COL1A2: variants seen among roughly 807,000 people sequenced by gnomAD.
COL1A2 encodes collagen type I alpha 2 chain, also known as collagen alpha-2(I) chain.
COL1A2 carries 49 observed loss-of-function variants against 174.3 expected under a neutral mutation model. That is an observed-to-expected ratio of 0.28 (90% CI 0.22 to 0.36). COL1A2 has a LOEUF of 0.36. COL1A2 is among the 10% of genes least tolerant of loss of function. The pLI is 1.00. For synonymous variants in COL1A2, 655 were observed against 606.6 expected (o/e 1.08, Z -1.17); for missense variants, 1,438 against 1,822.7 (o/e 0.79, Z 3.84).
intron 4 of COL1A2, chr7:94,399,974 G>A (rs535429020): frequency 9.5e-5 from 63 of 665,244 alleles, no homozygotes; most frequent in African/African-American, 1.2e-4. Flanking sequence ...TTCAATGGCC[G>A]AGATAGTTCT....
chr7:94,418,691 T>G, intron 33 of COL1A2, 139 bp downstream of exon 33: 1 of 685,488 alleles, frequency 1.5e-6, no homozygotes, highest in Non-Finnish European at 2.5e-6. Flanking sequence ...CTCCTGGGTC[T>G]ATGACTAATA....
chr7:94,415,147 A>C (rs1288041383), intron 29 of COL1A2, 79 bp from the exon 30 acceptor site: 2 of 1,385,822 alleles, frequency 1.4e-6, no homozygotes, highest in African/African-American at 2.8e-5. Flanking sequence ...ACTCTTTCCA[A>C]ATTTTTCAAA....
At chr7:94,425,383 A>C in intron 42 of COL1A2, 159 bp downstream of exon 42, 1 of 842,144 alleles carries the variant, frequency 1.2e-6, no homozygotes, top group South Asian at 1.6e-5. Flanking sequence ...AAAATTGCTT[A>C]GGCCAAAGAA....
intron 12 of COL1A2, 107 bp from the exon 13 acceptor site, chr7:94,407,740 A>G: frequency 2.2e-6 from 2 of 903,792 alleles, no homozygotes; most frequent in Non-Finnish European, 3.5e-6. Context: ...AAGAAATATT[A>G]TGAAGTATAT....
chr7:94,405,951 A>T (rs532482349), intron 11 of COL1A2, among the ~76,000 whole-genome samples: 2 of 152,230 alleles, frequency 1.3e-5, no homozygotes, highest in Non-Finnish European at 1.5e-5. Context: ...AGAAAATTAT[A>T]TAGAACATGT....
chr7:94,428,902 C>T (rs909460975), intron 50 of COL1A2, among the ~76,000 whole-genome samples: 1 of 152,144 alleles, frequency 6.6e-6, no homozygotes, highest in Non-Finnish European at 1.5e-5. Flanking sequence ...TTTCTACCTC[C>T]TCATTCTCTT....
At position 94,424,446 on chromosome 7, in the gene COL1A2, G is replaced by A. The variant is rs1409083271; in HGVS notation, c.2673+3G>A. 6.2e-7 allele frequency: 1 copy of A among 1,613,320 alleles called. No individual in the cohort carries two copies. Among genetic ancestry groups the A allele is most frequent in the Non-Finnish European group, 8.5e-7 (1 of 1,179,316 alleles). On this transcript the variant is annotated splice_donor_region_variant and intron_variant, in intron 41 of 51. Coordinates refer to ENST00000297268, the MANE Select transcript of COL1A2 (RefSeq NM_000089.4). ...TACCAGGTGTTGCTGGTGCTGTGGT[G>A]AGTGCTTGACAGTATTCTGACTCCA...
rs1792385101 is a variant in COL1A2, at chr7:94,430,736, G to A, written c.*343G>A. ...GTGGCTTTTGAATATCTTCCACAGA[G>A]GGAAGTTTAAAACCCAAACTTCCAA... On this transcript the variant is annotated 3_prime_UTR_variant, in exon 52 of 52. Coordinates refer to ENST00000297268, the MANE Select transcript of COL1A2 (RefSeq NM_000089.4). 3.6e-6 allele frequency: 1 copy of A among 280,600 alleles called. No individual in the cohort carries two copies. Among genetic ancestry groups the A allele is most frequent in the East Asian group, 9.1e-5 (1 of 10,990 alleles). 17.4% of individuals were successfully genotyped at this position (280,600 alleles called of 1,614,324 possible). A position where few individuals can be genotyped will look rare whatever the true frequency, so the allele number is the denominator to read the frequency against.
At position 94,395,473 on chromosome 7, in the gene COL1A2, G is replaced by A. The variant is rs1324086558; in HGVS notation, c.70+372G>A. The stretch of plus-strand genomic sequence containing the variant: ...ACCCCACAGGCCCCATAACCGCACT[G>A]ATGTCCACCTTGTAAAACTTGAGGC... On this transcript the variant is annotated intron_variant, in intron 1 of 51. Transcript: ENST00000297268. The A allele has an allele frequency of 1.4e-5, 5 of 351,354 alleles. No individual in the cohort carries two copies. The East Asian group carries it at 3.0e-4, about 21-fold the overall frequency. The allele number at this position is 351,354 out of a possible 1,614,324, so 21.8% of individuals were successfully genotyped here. A position where few individuals can be genotyped will look rare whatever the true frequency, so the allele number is the denominator to read the frequency against.
chr7:94,409,269 T>A, intron 16 of COL1A2, 53 bp from the exon 17 acceptor site: 1 of 1,458,756 alleles, frequency 6.9e-7, no homozygotes, highest in South Asian at 1.1e-5. Flanking sequence ...TAAAAACAGA[T>A]ATGCTGTTTC....
intron 37 of COL1A2, 29 bp from the exon 38 acceptor site, chr7:94,420,980 T>C: frequency 6.2e-7 from 1 of 1,612,370 alleles, no homozygotes; most frequent in South Asian, 1.1e-5. Flanking sequence ...TTGTTTGTGA[T>C]TTGACTCCAT....
chr7:94,412,917 A>G (rs771098931), intron 25 of COL1A2, among the ~76,000 whole-genome samples, 166 bp from the exon 26 acceptor site: 16 of 152,222 alleles, frequency 1.1e-4, no homozygotes, highest in Non-Finnish European at 2.2e-4. Flanking sequence ...CTTACTGTAC[A>G]TGGAGCTGCA....
At chr7:94,418,406 G>T in intron 32 of COL1A2, 93 bp from the exon 33 acceptor site, 1 of 966,560 alleles carries the variant, frequency 1.0e-6, no homozygotes, top group Non-Finnish European at 1.7e-6. Flanking sequence ...AGGTATCATA[G>T]CATCTTCTGT....
intron 12 of COL1A2, among the ~76,000 whole-genome samples, chr7:94,407,343 C>CACTACT (rs139122565): frequency 0.21 from 31,428 of 149,174 alleles, 3,380 homozygotes; most frequent in Admixed American, 0.31. Context: ...TATTAAATCC[C>CACTACT]ACTACTACTA....
At position 94,407,843 on chromosome 7, in the gene COL1A2, G is replaced by A; in HGVS notation, c.595-4G>A. Reference sequence around the variant, plus strand: ...GAACAAAAACTCAATCCTTCTCCATGTAGGGTGAACCTGGTGCCCCTGGTG... The same window carrying A: ...GAACAAAAACTCAATCCTTCTCCATATAGGGTGAACCTGGTGCCCCTGGTG... On this transcript the variant is annotated splice_region_variant and splice_polypyrimidine_tract_variant and intron_variant, in intron 12 of 51. Coordinates refer to ENST00000297268, the MANE Select transcript of COL1A2 (RefSeq NM_000089.4). The A allele has an allele frequency of 6.2e-7, 1 of 1,613,794 alleles. No homozygotes were observed. Among genetic ancestry groups the A allele is most frequent in the Non-Finnish European group, 8.5e-7 (1 of 1,179,774 alleles).
intron 49 of COL1A2, 59 bp downstream of exon 49, chr7:94,427,944 A>G: frequency 1.9e-6 from 3 of 1,573,186 alleles, no homozygotes; most frequent in Non-Finnish European, 2.6e-6. Flanking sequence ...TTTCAAAATT[A>G]GTTTCCATTG....
At chr7:94,430,210 T>C (rs1187049386) in intron 51 of COL1A2, 37 bp from the exon 52 acceptor site, 1 of 1,595,718 alleles carries the variant, frequency 6.3e-7, no homozygotes, top group Admixed American at 1.7e-5. Context: ...TCAGAAATAG[T>C]GATGCTTTGT....
intron 11 of COL1A2, among the ~76,000 whole-genome samples, 194 bp downstream of exon 11, chr7:94,405,920 CA>C (rs1791784467): frequency 6.6e-6 from 1 of 151,950 alleles, no homozygotes; most frequent in South Asian, 2.1e-4. Context: ...TCATAGCTAC[CA>C]AAAAACAGGC....
chr7:94,409,057 T>G (rs746382092), intron 16 of COL1A2, among the ~76,000 whole-genome samples: 49 of 152,244 alleles, frequency 3.2e-4, no homozygotes, highest in Admixed American at 1.2e-3. Flanking sequence ...AAATTGTCTC[T>G]AGGACTAGTT....
Sources: gnomAD v4.1 joint callset for allele counts (sites outside exome capture counted in the v4.1 genomes callset) on GRCh38, gnomAD v4.1.1 for gene constraint, MANE v1.5 for transcripts, NCBI Gene and HGNC (gene_info 2026-07-23, HGNC 2026-07-21) for gene names.